ZNF583: variants seen among roughly 807,000 people sequenced by gnomAD.
The protein encoded by ZNF583 is zinc finger protein L3-5.
ZNF583 carries 30 observed loss-of-function variants against 55.3 expected under a neutral mutation model. The observed-to-expected ratio is 0.54, with a 90% CI of 0.41 to 0.74. ZNF583 has a LOEUF of 0.74. Ranked by LOEUF, ZNF583 falls within the 30% of genes least tolerant of loss-of-function variation. The probability of loss-of-function intolerance (pLI) is 0.00; values close to 1 mark genes in which losing one functional copy is unlikely to be tolerated. For missense variants in ZNF583, 504 were observed against 664.7 expected (o/e 0.76, Z 2.66); for synonymous variants, 208 against 220.0 (o/e 0.95, Z 0.48).
At chr19:56,419,112 T>C (rs893439213) in intron 4 of ZNF583, among the ~76,000 whole-genome samples, 2 of 152,168 alleles carry the variant, frequency 1.3e-5, no homozygotes, top group Admixed American at 6.6e-5. Context: ...GATCATGCTG[T>C]TAATATTTTC....
Position 56,425,088 on chromosome 19 carries a change from AAGT to A in ZNF583, c.*723_*725del, listed in dbSNP as rs901356385. On this transcript the variant is annotated 3_prime_UTR_variant, in exon 5 of 5. Transcript: ENST00000333201. ...TTAGGAATGGTAGGCATTTTTCTAAAAGTAGGTGAGGAGGGTATCTAACAGTAG... is the reference window on the plus strand; with the variant it reads ...TTAGGAATGGTAGGCATTTTTCTAAAAGGTGAGGAGGGTATCTAACAGTAG... The A allele has an allele frequency of 4.6e-5, 7 of 152,100 alleles. No individual in the cohort carries two copies. The highest frequency in any genetic ancestry group is 1.4e-4 in the African/African-American group (6 of 41,402). The allele number at this position is 152,100 out of a possible 1,614,324, so 9.4% of individuals were successfully genotyped here.
Position 56,426,310 on chromosome 19 carries a change from C to A in ZNF583, c.*1942C>A, listed in dbSNP as rs983027965. On this transcript the variant is annotated 3_prime_UTR_variant, in exon 5 of 5. Coordinates refer to ENST00000333201, the MANE Select transcript of ZNF583 (RefSeq NM_152478.3). ...TGAAAGTTACTTTCAAGTGCTTTAT[C>A]TAAATGTGGAACAAACAGTGATTAG... is the stretch of plus-strand genomic sequence containing the variant. The A allele has an allele frequency of 2.0e-5, 3 of 152,102 alleles. No homozygotes were observed. Among genetic ancestry groups the A allele is most frequent in the Admixed American group, 2.0e-4 (3 of 15,280 alleles). The allele number at this position is 152,102 out of a possible 1,614,324, so 9.4% of individuals were successfully genotyped here.
chr19:56,409,819 T>G (rs1319208326), intron 2 of ZNF583, among the ~76,000 whole-genome samples: 1 of 152,188 alleles, frequency 6.6e-6, no homozygotes, highest in Non-Finnish European at 1.5e-5. Flanking sequence ...TTTCTGTTTG[T>G]TTTCCATTTA....
In ZNF583 at chr19:56,424,285, A is replaced by G; in HGVS notation, c.1627A>G (p.Thr543Ala). 6.2e-7 allele frequency: 1 copy of G among 1,613,826 alleles called. No homozygotes were observed. Among genetic ancestry groups the G allele is most frequent in the South Asian group, 1.1e-5 (1 of 90,976 alleles). ...AHLAHHERIH[T>A]MESFLTLSSP... ...TCTTGCTCATCATGAGAGAATTCAT[A>G]CTATGGAGTCATTCTTGACTCTTTC... Residue 543 changes from threonine to alanine, a missense_variant, in exon 5 of 5, where the codon ACT becomes GCT. Transcript: ENST00000333201.
At chr19:56,408,236 C>T (rs1020193765) in intron 2 of ZNF583, among the ~76,000 whole-genome samples, 1 of 152,022 alleles carries the variant, frequency 6.6e-6, no homozygotes, top group Non-Finnish European at 1.5e-5. Flanking sequence ...CACACACACA[C>T]CTCTAGGTTA....
intron 4 of ZNF583, chr19:56,414,861 CAAA>C (rs35096926): frequency 2.5e-4 from 16 of 64,272 alleles, no homozygotes; most frequent in Admixed American, 8.5e-4. Flanking sequence ...ACTAAAAATA[CAAA>C]AAAAAAAAAA....
chr19:56,421,872 G>A (rs1247635283), intron 4 of ZNF583, among the ~76,000 whole-genome samples: 3 of 152,152 alleles, frequency 2.0e-5, no homozygotes, highest in Admixed American at 1.3e-4. Context: ...AAAGCAGGAG[G>A]AAAGAGAAAC....
At chr19:56,409,797 A>C (rs2042209691) in intron 2 of ZNF583, among the ~76,000 whole-genome samples, 1 of 152,200 alleles carries the variant, frequency 6.6e-6, no homozygotes, top group South Asian at 2.1e-4. Context: ...GTACGTGCTT[A>C]AAGCTACTGT....
In ZNF583 at chr19:56,423,077, G is replaced by T; in HGVS notation, c.419G>T (p.Ser140Ile). 1 of 1,613,190 alleles carries T rather than the reference G, an allele frequency of 6.2e-7. No individual in the cohort carries two copies. Among genetic ancestry groups the T allele is most frequent in the Non-Finnish European group, 8.5e-7 (1 of 1,179,742 alleles). ...NQLGSQEVHL[S>I]QLIITHKEIL... ...CTGGGAAGTCAAGAGGTACATCTTA[G>T]TCAATTAATCATCACTCATAAAGAA... is the stretch of plus-strand genomic sequence containing the variant. The change falls in exon 5 of 5, where the codon AGT (serine) becomes ATT (isoleucine). Residue 140 changes from serine (S) to isoleucine (I), a missense_variant. Coordinates refer to ENST00000333201, the MANE Select transcript of ZNF583 (RefSeq NM_152478.3).
intron 4 of ZNF583, among the ~76,000 whole-genome samples, chr19:56,420,237 T>A (rs576292560): frequency 6.6e-6 from 1 of 152,312 alleles, no homozygotes; most frequent in East Asian, 1.9e-4. Flanking sequence ...TGACTAGGTA[T>A]TATTGATTTA....
intron 4 of ZNF583, among the ~76,000 whole-genome samples, chr19:56,422,296 A>C (rs2042427753): frequency 6.6e-6 from 1 of 152,214 alleles, no homozygotes; most frequent in South Asian, 2.1e-4. Flanking sequence ...GCAGTTTGAT[A>C]CAAAACTACT....
At chr19:56,409,819 T>C (rs1319208326) in intron 2 of ZNF583, among the ~76,000 whole-genome samples, 1 of 152,188 alleles carries the variant, frequency 6.6e-6, no homozygotes, top group Non-Finnish European at 1.5e-5. Context: ...TTTCTGTTTG[T>C]TTTCCATTTA....
At position 56,424,309 on chromosome 19, in the gene ZNF583, T is replaced by C; in HGVS notation, c.1651T>C (p.Ser551Pro). ...IHTMESFLTL[S>P]SPSPSTSNQL... ...TACTATGGAGTCATTCTTGACTCTT[T>C]CCTCTCCCTCACCCTCCACATCAAA... The change falls in exon 5 of 5, where the codon TCC becomes CCC. Residue 551 changes from serine to proline, a missense_variant. Physicochemically the swap from Ser to Pro is moderately conservative, Grantham distance 74. Around this residue, in one of 3 missense-constraint regions of ZNF583, gnomAD observed 63 missense variants for 56.5 expected, o/e 1.11. Coordinates refer to ENST00000333201, the MANE Select transcript of ZNF583 (RefSeq NM_152478.3). 6.2e-7 allele frequency: 1 copy of C among 1,608,930 alleles called. No homozygotes were observed. The highest frequency in any genetic ancestry group is 8.5e-7 in the Non-Finnish European group (1 of 1,175,454).
At position 56,413,966 on chromosome 19, in the gene ZNF583, T is replaced by A. The variant is rs762437189; in HGVS notation, c.17T>A (p.Val6Glu). MSKDL[V>E]TFGDVAVNFS... ...GTGTTTATGTCATTTCAGGATTTGG[T>A]GACATTTGGGGATGTGGCTGTAAAT... The change falls in exon 3 of 5, where the codon GTG becomes GAG. Residue 6 changes from valine (V) to glutamate (E), a missense_variant. Physicochemically the swap from Val to Glu is moderately radical, Grantham distance 121. Coordinates refer to ENST00000333201, the MANE Select transcript of ZNF583 (RefSeq NM_152478.3). 2 of 1,614,118 alleles carry A rather than the reference T, an allele frequency of 1.2e-6. No individual in the cohort carries two copies. The highest frequency in any genetic ancestry group is 8.5e-7 in the Non-Finnish European group (1 of 1,179,984).
At position 56,404,734 on chromosome 19, in the gene ZNF583, ATG is replaced by A. The variant is rs1363090799; in HGVS notation, c.-90+287_-90+288del. 6.6e-6 allele frequency among the ~76,000 whole-genome samples: 1 copy of A among 152,060 alleles called. No homozygotes were observed. ...TGACAGTATGAGACTGGGTGTGAGA[ATG>A]TGTGCGACAGTATGAGACCGTTGCC... On this transcript the variant is annotated intron_variant, in intron 1 of 4. Transcript: ENST00000333201. This position sits in a 1 kb window ranked among gnomAD's most constrained non-coding sequence, Gnocchi z 5.2.
chr19:56,413,640 A>G (rs549526503), intron 2 of ZNF583, among the ~76,000 whole-genome samples: 6 of 152,310 alleles, frequency 3.9e-5, no homozygotes, highest in African/African-American at 1.4e-4. Context: ...ATGCTCTGGC[A>G]TTTAGTATGA....
chr19:56,417,182 T>C (rs1248691432), intron 4 of ZNF583, among the ~76,000 whole-genome samples: 1 of 152,162 alleles, frequency 6.6e-6, no homozygotes, highest in African/African-American at 2.4e-5. Flanking sequence ...TGTGTGAACA[T>C]ATATTTTTAT....
At chr19:56,411,212 G>C (rs1370920710) in intron 2 of ZNF583, among the ~76,000 whole-genome samples, 1 of 151,888 alleles carries the variant, frequency 6.6e-6, no homozygotes, top group African/African-American at 2.4e-5. Flanking sequence ...GATCATTCAA[G>C]CCTGACAGGT....
chr19:56,423,763 G>A lies in ZNF583; in HGVS notation c.1105G>A (p.Val369Ile), dbSNP rs746055718. ...KAFSHRGYLI[V>I]HQRIHTGERP... ...CTTTAGCCATCGTGGATACCTAATT[G>A]TACATCAGAGAATTCATACTGGAGA... is the stretch of plus-strand genomic sequence containing the variant. Residue 369 changes from valine (V) to isoleucine (I), a missense_variant, in exon 5 of 5, where the codon GTA (valine) becomes ATA (isoleucine). Around this residue, in one of 3 missense-constraint regions of ZNF583, gnomAD observed 237 missense variants for 373.0 expected, o/e 0.64. Coordinates refer to ENST00000333201, the MANE Select transcript of ZNF583 (RefSeq NM_152478.3). 2.5e-6 allele frequency: 4 copies of A among 1,608,156 alleles called. No homozygotes were observed. The highest frequency in any genetic ancestry group is 1.7e-5 in the Admixed American group (1 of 59,428).
Sources: gnomAD v4.1 joint callset for allele counts (sites outside exome capture counted in the v4.1 genomes callset) on GRCh38, gnomAD v4.1.1 for gene constraint, gnomAD v4.1.1 regional missense constraint, Gnocchi (gnomAD v3.1) non-coding constraint, MANE v1.5 for transcripts, NCBI Gene and HGNC (gene_info 2026-07-23, HGNC 2026-07-21) for gene names.